Variants in CACNG1 observed in about 807,000 individuals in gnomAD.
The protein encoded by CACNG1 is calcium voltage-gated channel auxiliary subunit gamma 1, also known as voltage-dependent calcium channel gamma-1 subunit.
In CACNG1, 21 loss-of-function variants were observed where a neutral mutation model predicts 22.0. The observed-to-expected ratio is 0.95, with a 90% CI of 0.68 to 1.37. The LOEUF (loss-of-function observed/expected upper bound fraction) is 1.37, where lower values mean the gene tolerates loss of function less well. CACNG1 is among the 40% of genes most tolerant of loss of function. The pLI, the probability that CACNG1 is intolerant of heterozygous loss-of-function variation, is 0.00. For missense variants in CACNG1, 291 were observed against 308.6 expected (o/e 0.94, Z 0.43); for synonymous variants, 127 against 129.2 (o/e 0.98, Z 0.12).
chr17:67,054,851 C>T lies in CACNG1; in HGVS notation c.305-252C>T, dbSNP rs1040056650. On this transcript the variant is annotated intron_variant, in intron 2 of 3. Coordinates refer to ENST00000226021, the MANE Select transcript of CACNG1 (RefSeq NM_000727.4). The surrounding 1 kb of genome is among the most constrained non-coding windows in gnomAD (Gnocchi z 4.6). ...AGAGACACACACTGACACACACGTACAATGACAGACACAGAGACACACACT... is the reference window on the plus strand; with the variant it reads ...AGAGACACACACTGACACACACGTATAATGACAGACACAGAGACACACACT... Among the ~76,000 whole-genome samples the T allele has an allele frequency of 2.6e-5, 4 of 151,060 alleles. No homozygotes were observed. The highest frequency in any genetic ancestry group is 9.7e-5 in the African/African-American group (4 of 41,050).
chr17:67,056,449 CT>C lies in CACNG1; in HGVS notation c.*179del, dbSNP rs2035762968. The C allele has an allele frequency of 3.3e-6, 2 of 614,416 alleles. No individual in the cohort carries two copies. Among genetic ancestry groups the C allele is most frequent in the African/African-American group, 3.7e-5 (2 of 54,194 alleles). The allele number at this position is 614,416 out of a possible 1,614,324, so 38.1% of individuals were successfully genotyped here. A position where few individuals can be genotyped will look rare whatever the true frequency, so the allele number is the denominator to read the frequency against. ...TTCCTCTGGGCTGCCGCAGGCTCCC[CT>C]GGGAATAGAGCAAGACGTGAGTCCT... On this transcript the variant is annotated 3_prime_UTR_variant, in exon 4 of 4. Transcript: ENST00000226021. The surrounding 1 kb of genome is among the most constrained non-coding windows in gnomAD (Gnocchi z 4.3).
chr17:67,052,424 G>A (rs1460660988), intron 1 of CACNG1, among the ~76,000 whole-genome samples: 1 of 152,168 alleles, frequency 6.6e-6, no homozygotes, highest in Non-Finnish European at 1.5e-5. Flanking sequence ...TAAGGTGCAA[G>A]AAGAATGATT....
chr17:67,051,499 G>A (rs1482473893), intron 1 of CACNG1, among the ~76,000 whole-genome samples: 3 of 152,162 alleles, frequency 2.0e-5, no homozygotes, highest in Non-Finnish European at 4.4e-5. Flanking sequence ...CAAGAAAGGG[G>A]AGAGGTCAGC....
In CACNG1 at chr17:67,054,522, A is replaced by C. The variant is rs147021800; in HGVS notation, c.304+452A>C. Among the ~76,000 whole-genome samples the C allele has an allele frequency of 3.1e-3, 472 of 152,306 alleles. 1 individual carries two copies. Among genetic ancestry groups the C allele is most frequent in the Non-Finnish European group, 3.5e-3 (239 of 68,020 alleles). On this transcript the variant is annotated intron_variant, in intron 2 of 3. Transcript: ENST00000226021. The surrounding 1 kb of genome is among the most constrained non-coding windows in gnomAD (Gnocchi z 4.6). ...GAGCTTTTCAGGATCCGCAGAGCTC[A>C]GACGCACACCCATTGTCGGGAGTAC...
rs1256161381 is a variant in CACNG1, at chr17:67,054,565, C to T, written c.304+495C>T. 6.6e-6 allele frequency among the ~76,000 whole-genome samples: 1 copy of T among 152,108 alleles called. No individual in the cohort carries two copies. Among genetic ancestry groups the T allele is most frequent in the Non-Finnish European group, 1.5e-5 (1 of 68,010 alleles). ...GGGAGTACAGACCCGTGCCTGCCTG[C>T]GCCCAGACAGCTGCACACAGGGTGA... On this transcript the variant is annotated intron_variant, in intron 2 of 3. Transcript: ENST00000226021. The surrounding 1 kb of genome is among the most constrained non-coding windows in gnomAD (Gnocchi z 4.6).
Position 67,056,373 on chromosome 17 carries a change from T to G in CACNG1, c.*102T>G. The G allele has an allele frequency of 1.1e-6, 1 of 917,850 alleles. No homozygotes were observed. The highest frequency in any genetic ancestry group is 1.7e-6 in the Non-Finnish European group (1 of 591,708). The allele number at this position is 917,850 out of a possible 1,614,324, so 56.9% of individuals were successfully genotyped here. A position where few individuals can be genotyped will look rare whatever the true frequency, so the allele number is the denominator to read the frequency against. On this transcript the variant is annotated 3_prime_UTR_variant, in exon 4 of 4. Coordinates refer to ENST00000226021, the MANE Select transcript of CACNG1 (RefSeq NM_000727.4). The surrounding 1 kb of genome is among the most constrained non-coding windows in gnomAD (Gnocchi z 4.3). ...GGCGGGAGCAATTTTAGCCCCACCC[T>G]GCTCCCATCTGCCCCCCTGCAACAG...
chr17:67,055,123 G>A lies in CACNG1; in HGVS notation c.325G>A (p.Ala109Thr), dbSNP rs767660766. ...TQKEYSISAA[A>T]IAIFSLGFII... ...TGCAGAGTACAGCATCTCGGCAGCC[G>A]CCATCGCCATCTTCAGCCTTGGCTT... Residue 109 changes from alanine (A) to threonine (T), a missense_variant, in exon 3 of 4, where the codon GCC becomes ACC. Transcript: ENST00000226021. This position sits in a 1 kb window ranked among gnomAD's most constrained non-coding sequence, Gnocchi z 4.5. The A allele has an allele frequency of 2.4e-5, 39 of 1,613,870 alleles. No homozygotes were observed. Among genetic ancestry groups the A allele is most frequent in the East Asian group, 1.6e-4 (7 of 44,890 alleles).
At chr17:67,045,943 G>A (rs549962227) in intron 1 of CACNG1, among the ~76,000 whole-genome samples, 15 of 152,272 alleles carry the variant, frequency 9.9e-5, no homozygotes, top group East Asian at 9.6e-4. Flanking sequence ...ATTTCCTACC[G>A]TGTGACCGAA....
At chr17:67,046,051 A>G (rs2035695309) in intron 1 of CACNG1, among the ~76,000 whole-genome samples, 1 of 152,202 alleles carries the variant, frequency 6.6e-6, no homozygotes, top group Non-Finnish European at 1.5e-5. Context: ...CTTAGCAAAT[A>G]CAGCACTTTA....
At chr17:67,050,343 G>T (rs530578075) in intron 1 of CACNG1, among the ~76,000 whole-genome samples, 2 of 152,380 alleles carry the variant, frequency 1.3e-5, no homozygotes, top group East Asian at 3.9e-4. Flanking sequence ...AAGCTCTAGG[G>T]TCAGGTCTTG....
chr17:67,050,849 C>T (rs2035723969), intron 1 of CACNG1, among the ~76,000 whole-genome samples: 1 of 152,142 alleles, frequency 6.6e-6, no homozygotes, highest in African/African-American at 2.4e-5. Flanking sequence ...ATAAATAACC[C>T]ATTTAATATT....
At position 67,055,318 on chromosome 17, in the gene CACNG1, A is replaced by C; in HGVS notation, c.442+78A>C. 1 of 1,498,148 alleles carries C rather than the reference A, an allele frequency of 6.7e-7. No individual in the cohort carries two copies. Among genetic ancestry groups the C allele is most frequent in the Middle Eastern group, 2.1e-4 (1 of 4,782 alleles). The allele number at this position is 1,498,148 out of a possible 1,614,324, so 92.8% of individuals were successfully genotyped here. A position where few individuals can be genotyped will look rare whatever the true frequency, so the allele number is the denominator to read the frequency against. On this transcript the variant is annotated intron_variant, in intron 3 of 3. Coordinates refer to ENST00000226021, the MANE Select transcript of CACNG1 (RefSeq NM_000727.4). The surrounding 1 kb of genome is among the most constrained non-coding windows in gnomAD (Gnocchi z 4.5). Reference sequence around the variant, plus strand: ...GATTCTCCGCTCCACCCTCATGCCCACCGCGAGATTTGGGTGAGGGGCATT... The same window carrying C: ...GATTCTCCGCTCCACCCTCATGCCCCCCGCGAGATTTGGGTGAGGGGCATT...
chr17:67,047,105 G>A (rs1171845871), intron 1 of CACNG1, among the ~76,000 whole-genome samples: 1 of 152,054 alleles, frequency 6.6e-6, no homozygotes, highest in East Asian at 1.9e-4. Flanking sequence ...TTCATATGTG[G>A]CCCGTCATCT....
intron 1 of CACNG1, among the ~76,000 whole-genome samples, chr17:67,045,333 C>T (rs549097753): frequency 6.6e-6 from 1 of 152,254 alleles, no homozygotes; most frequent in South Asian, 2.1e-4. Context: ...ATGGAATTTG[C>T]AGGGTCCTGT....
chr17:67,051,959 ATGAAATACACTTGAATTCAGTCAAT>A (rs1267116269), intron 1 of CACNG1, among the ~76,000 whole-genome samples: 1 of 152,238 alleles, frequency 6.6e-6, no homozygotes, highest in Non-Finnish European at 1.5e-5. Flanking sequence ...GCAGCTGACC[ATGAAATACACTTGAATTCAGTCAAT>A]TCTGACAACT....
intron 1 of CACNG1, among the ~76,000 whole-genome samples, chr17:67,048,799 G>A (rs750061512): frequency 6.6e-6 from 1 of 152,154 alleles, no homozygotes; most frequent in Non-Finnish European, 1.5e-5. Flanking sequence ...ATTCACTAGA[G>A]GGGCTCAATG....
chr17:67,053,262 G>A (rs755110505), intron 1 of CACNG1, among the ~76,000 whole-genome samples: 4 of 152,210 alleles, frequency 2.6e-5, no homozygotes, highest in African/African-American at 4.8e-5. Flanking sequence ...ATGGCCACTC[G>A]GAAAAAGCCC....
In CACNG1 at chr17:67,055,261, G is replaced by A; in HGVS notation, c.442+21G>A. The A allele has an allele frequency of 6.2e-7, 1 of 1,604,836 alleles. No individual in the cohort carries two copies. The highest frequency in any genetic ancestry group is 8.5e-7 in the Non-Finnish European group (1 of 1,173,276). On this transcript the variant is annotated intron_variant, in intron 3 of 3. Coordinates refer to ENST00000226021, the MANE Select transcript of CACNG1 (RefSeq NM_000727.4). The surrounding 1 kb of genome is among the most constrained non-coding windows in gnomAD (Gnocchi z 4.5). Reference sequence around the variant, plus strand: ...TGCAGGTAGACTGGGGGATCTGCCTGAGCGCCGGGGCCGGGGGACCATGTC... The same window carrying A: ...TGCAGGTAGACTGGGGGATCTGCCTAAGCGCCGGGGCCGGGGGACCATGTC...
At position 67,055,379 on chromosome 17, in the gene CACNG1, C is replaced by A; in HGVS notation, c.442+139C>A. 1 of 1,003,314 alleles carries A rather than the reference C, an allele frequency of 1.0e-6. No homozygotes were observed. The highest frequency in any genetic ancestry group is 1.4e-6 in the Non-Finnish European group (1 of 700,868). 62.2% of individuals were successfully genotyped at this position (1,003,314 alleles called of 1,614,324 possible). ...CATCCCCATCCAGGGGCAAACCTGG[C>A]CAGGCCATCAGCGACTCCAGGTGGG... On this transcript the variant is annotated intron_variant, in intron 3 of 3. Transcript: ENST00000226021. This position sits in a 1 kb window ranked among gnomAD's most constrained non-coding sequence, Gnocchi z 4.5.
Sources: gnomAD v4.1 joint callset for allele counts (sites outside exome capture counted in the v4.1 genomes callset) on GRCh38, gnomAD v4.1.1 for gene constraint, Gnocchi (gnomAD v3.1) non-coding constraint, MANE v1.5 for transcripts, NCBI Gene and HGNC (gene_info 2026-07-23, HGNC 2026-07-21) for gene names.